The following TBX1 variants were observed in gnomAD, a reference collection of about 807,000 sequenced individuals.
The protein encoded by TBX1 is T-box transcription factor TBX1.
TBX1 carries 16 observed loss-of-function variants against 40.8 expected under a neutral mutation model. The observed-to-expected ratio is 0.39, with a 90% confidence interval of 0.27 to 0.60. The LOEUF is 0.60. Ranked by LOEUF, TBX1 falls within the 20% of genes least tolerant of loss-of-function variation. TBX1 has a pLI of 0.51. For synonymous variants in TBX1, 403 were observed against 336.8 expected, an observed-to-expected ratio of 1.20 and a Z score of -2.15; for missense variants, 755 against 728.5, an observed-to-expected ratio of 1.04 and a Z score of -0.42.
At chr22:19,763,589 G>A in intron 2 of TBX1, 1 of 557,848 alleles carries the variant, frequency 1.8e-6, no homozygotes, top group Non-Finnish European at 3.2e-6. Context: ...CCCTGGGCTG[G>A]TGTGGCCCTA....
intron 8 of TBX1, among the ~76,000 whole-genome samples, chr22:19,776,019 G>T (rs981921833): frequency 3.3e-5 from 5 of 152,184 alleles, no homozygotes; most frequent in Admixed American, 6.5e-5. Context: ...AAGTGCTCGG[G>T]CCCCAGGCAA....
downstream of TBX1, among the ~76,000 whole-genome samples, chr22:19,769,529 G>T (rs1345932118): frequency 6.6e-6 from 1 of 152,236 alleles, no homozygotes; most frequent in Admixed American, 6.5e-5. Flanking sequence ...TGCAAGACTG[G>T]CGCACGCCGC....
chr22:19,764,999 C>T lies in TBX1; in HGVS notation c.753C>T (p.His251=), dbSNP rs201412495. The T allele has an allele frequency of 3.5e-5, 56 of 1,614,194 alleles. No individual in the cohort carries two copies. The East Asian group carries it at 6.5e-4, about 19-fold the overall frequency. The change falls in exon 4 of 7, where the codon CAC becomes CAT. Residue 251 remains histidine (H), a synonymous_variant. Coordinates refer to ENST00000649276, the MANE Select transcript of TBX1 (RefSeq NM_001379200.1). ...NSMHRYQPRF[H]VVYVDPRKDS... ...TGCACAGATACCAGCCCCGCTTCCA[C>T]GTGGTCTATGTGGACCCACGCAAAG...
chr22:19,758,586 G>A (rs969749955), upstream of TBX1, among the ~76,000 whole-genome samples: 37 of 152,104 alleles, frequency 2.4e-4, no homozygotes, highest in Admixed American at 1.2e-3. Flanking sequence ...GCTGGGTGCC[G>A]GGGGGCAGCA....
downstream of TBX1, among the ~76,000 whole-genome samples, chr22:19,781,765 G>A (rs1937144803): frequency 6.6e-6 from 1 of 152,162 alleles, no homozygotes; most frequent in African/African-American, 2.4e-5. Context: ...TGTAAATCCA[G>A]TTTTCCCAAC....
rs762421862 is a variant in TBX1 at position 19,761,149 on chromosome 22, C to T, written c.306C>T (p.Cys102=). The T allele has an allele frequency of 6.1e-6, 9 of 1,487,328 alleles. No individual in the cohort carries two copies. The Admixed American group carries it at 1.7e-4, about 27-fold the overall frequency. The allele number at this position is 1,487,328 out of a possible 1,614,324, so 92.1% of individuals were successfully genotyped here. The change falls in exon 1 of 7, where the codon TGC becomes TGT. Residue 102 remains cysteine, a synonymous_variant. Coordinates refer to ENST00000649276, the MANE Select transcript of TBX1 (RefSeq NM_001379200.1). ...AAEPEGPGAS[C]AAAAKAPVKK... The stretch of plus-strand genomic sequence containing the variant: ...AGCCCGAGGGCCCCGGGGCCAGCTG[C>T]GCGGCCGCAGCCAAGGCGCCGGTGA...
At chr22:19,764,551 C>A (rs1437444593) in intron 3 of TBX1, among the ~76,000 whole-genome samples, 1 of 152,346 alleles carries the variant, frequency 6.6e-6, no homozygotes, top group East Asian at 1.9e-4. Context: ...GGTCAGGGGT[C>A]GCACAGCCTA....
intron 4 of TBX1, among the ~76,000 whole-genome samples, chr22:19,765,377 G>A (rs1217716662): frequency 6.6e-6 from 1 of 152,102 alleles, no homozygotes; most frequent in African/African-American, 2.4e-5. Context: ...GAACCATTCC[G>A]GAAACTCCCC....
In TBX1 at chr22:19,764,209, G is replaced by A. The variant is rs138724943; in HGVS notation, c.594G>A (p.Thr198=). The A allele has an allele frequency of 4.9e-5, 79 of 1,612,762 alleles. No homozygotes were observed. The African/African-American group carries it at 5.7e-4, about 12-fold the overall frequency. ...WLVAGKADPA[T]PGRVHYHPDS... is the part of the protein sequence containing the mutation. ...TGGCGGGGAAGGCCGACCCTGCCACGCCAGGCCGCGTGCACTACCACCCGG... is the reference window on the plus strand; with the variant it reads ...TGGCGGGGAAGGCCGACCCTGCCACACCAGGCCGCGTGCACTACCACCCGG... The change falls in exon 3 of 7, where the codon ACG becomes ACA. Residue 198 remains threonine (T), a synonymous_variant. Transcript: ENST00000649276.
intron 8 of TBX1, among the ~76,000 whole-genome samples, chr22:19,778,040 G>A (rs1030544174): frequency 3.3e-5 from 5 of 151,684 alleles, no homozygotes; most frequent in South Asian, 2.1e-4. Flanking sequence ...GATTACAGGC[G>A]TGAGCCACCA....
In TBX1 at chr22:19,766,995, T is replaced by G; in HGVS notation, c.*128T>G. 1.5e-4 allele frequency: 211 copies of G among 1,379,654 alleles called. No individual in the cohort carries two copies. Among genetic ancestry groups the G allele is most frequent in the Middle Eastern group, 5.4e-4 (2 of 3,688 alleles). The allele number at this position is 1,379,654 out of a possible 1,614,324, so 85.5% of individuals were successfully genotyped here. On this transcript the variant is annotated 3_prime_UTR_variant, in exon 7 of 7. Coordinates refer to ENST00000649276, the MANE Select transcript of TBX1 (RefSeq NM_001379200.1). ...CCCAGGGGCCACCGCGGCTCTCCCC[T>G]TCCCCAGCCTCGAAGCCATGGGGGC...
At chr22:19,780,079 C>T (rs891136553), downstream of TBX1, among the ~76,000 whole-genome samples, 88 of 152,358 alleles carry the variant, frequency 5.8e-4, 2 homozygotes, top group South Asian at 2.1e-4. Flanking sequence ...GTTAGCTAGA[C>T]TTAAGCAGGC....
intron 1 of TBX1, 49 bp downstream of exon 1, chr22:19,761,329 A>G: frequency 2.7e-6 from 4 of 1,505,970 alleles, no homozygotes; most frequent in Non-Finnish European, 3.6e-6. Context: ...TGCTGCCGCC[A>G]GGGCTGCGGG....
chr22:19,759,444 G>A (rs527943576), upstream of TBX1: 590 of 1,393,956 alleles, frequency 4.2e-4, 4 homozygotes, highest in South Asian at 8.7e-3. Context: ...GGCGCGGTGC[G>A]GCTGGGCACA....
chr22:19,777,085 T>TGTAA (rs41297832), intron 8 of TBX1, among the ~76,000 whole-genome samples: 61,794 of 151,612 alleles, frequency 0.41, 13,018 homozygotes, highest in South Asian at 0.58. Context: ...ATTATTATAC[T>TGTAA]GTTTTAGGGT....
intron 4 of TBX1, 117 bp downstream of exon 4, chr22:19,765,230 T>C: frequency 2.0e-6 from 3 of 1,507,108 alleles, no homozygotes; most frequent in Non-Finnish European, 2.7e-6. Flanking sequence ...GTGGTCCCAG[T>C]GGAGCCCAAC....
rs754087937 is a variant in TBX1 at position 19,761,169 on chromosome 22, C to G, written c.326C>G (p.Pro109Arg). 4 of 1,524,428 alleles carry G rather than the reference C, an allele frequency of 2.6e-6. No individual in the cohort carries two copies. The South Asian group carries it at 3.6e-5, about 14-fold the overall frequency. 94.4% of individuals were successfully genotyped at this position (1,524,428 alleles called of 1,614,324 possible). Residue 109 changes from proline to arginine, a missense_variant, in exon 1 of 7, where the codon CCG becomes CGG. By Grantham distance (103) the Pro-to-Arg change is moderately radical. Coordinates refer to ENST00000649276, the MANE Select transcript of TBX1 (RefSeq NM_001379200.1). ...AGCTGCGCGGCCGCAGCCAAGGCGC[C>G]GGTGAAGAAGAACGCGAAGGTGGCC... ...GASCAAAAKA[P>R]VKKNAKVAGV... is the part of the protein sequence containing the mutation.
At chr22:19,772,882 G>A (rs1249127850) in intron 8 of TBX1, among the ~76,000 whole-genome samples, 7 of 152,174 alleles carry the variant, frequency 4.6e-5, no homozygotes, top group Non-Finnish European at 7.3e-5. Context: ...AGGAGCTGCC[G>A]GGCGCCCTTC....
chr22:19,758,986 C>T (rs1936552247), upstream of TBX1, among the ~76,000 whole-genome samples: 1 of 152,216 alleles, frequency 6.6e-6, no homozygotes, highest in Admixed American at 6.5e-5. Flanking sequence ...TCTCCTCACC[C>T]AGGTGCAGGG....
Sources: allele counts gnomAD v4.1 joint callset (sites outside exome capture counted in the v4.1 genomes callset), GRCh38; gene constraint gnomAD v4.1.1; transcripts MANE v1.5; gene names NCBI Gene and HGNC (gene_info 2026-07-23, HGNC 2026-07-21).